MMP28: variants seen among roughly 807,000 people sequenced by gnomAD.
The protein encoded by MMP28 is matrix metallopeptidase 28, also known as matrix metalloproteinase-28.
A neutral mutation model predicts 60.5 loss-of-function variants in MMP28; 55 were observed. The ratio of observed to expected loss-of-function variants is 0.91; its 90% CI spans 0.73 to 1.14. MMP28 has a LOEUF of 1.14. MMP28 is among the 50% of genes most tolerant of loss of function. MMP28 has a pLI of 0.00. For missense variants in MMP28, 686 were observed against 738.3 expected (o/e 0.93, Z 0.82); for synonymous variants, 318 against 312.5 (o/e 1.02, Z -0.18).
chr17:35,759,027 A>G (rs2085771987), intron 2 of MMP28, among the ~76,000 whole-genome samples: 1 of 152,240 alleles, frequency 6.6e-6, no homozygotes, highest in Admixed American at 6.5e-5. Context: ...TCATGGTGCC[A>G]GTGTCCATGG....
chr17:35,780,633 G>A (rs977782303), intron 1 of MMP28, among the ~76,000 whole-genome samples: 5 of 151,854 alleles, frequency 3.3e-5, no homozygotes, highest in Admixed American at 2.0e-4. Flanking sequence ...TCAGGAGTTC[G>A]AGACCAGCCT....
intron 2 of MMP28, among the ~76,000 whole-genome samples, chr17:35,758,822 G>A (rs1349025651): frequency 6.6e-6 from 1 of 152,172 alleles, no homozygotes; most frequent in African/African-American, 2.4e-5. Flanking sequence ...CTTGGGAAGA[G>A]GGGATGCACA....
At chr17:35,782,554 T>G (rs185345668) in intron 1 of MMP28, among the ~76,000 whole-genome samples, 16 of 152,370 alleles carry the variant, frequency 1.1e-4, no homozygotes, top group African/African-American at 3.4e-4. Flanking sequence ...TAACTTTTCA[T>G]AGACTCCTCA....
chr17:35,784,117 C>A (rs933291995), intron 1 of MMP28, among the ~76,000 whole-genome samples: 3 of 151,974 alleles, frequency 2.0e-5, no homozygotes, highest in African/African-American at 7.3e-5. Flanking sequence ...CCCGTCTCTA[C>A]TAAAAACACA....
intron 1 of MMP28, among the ~76,000 whole-genome samples, chr17:35,794,253 T>C (rs1298868992): frequency 1.3e-5 from 2 of 150,480 alleles, no homozygotes; most frequent in Non-Finnish European, 3.0e-5. Context: ...CACTTTTTTT[T>C]TTTTTTTTTT....
chr17:35,790,018 T>C (rs921471036), intron 1 of MMP28, among the ~76,000 whole-genome samples: 2 of 146,022 alleles, frequency 1.4e-5, no homozygotes, highest in Non-Finnish European at 3.0e-5. Flanking sequence ...TGCCTCAGCC[T>C]CCCAAAGTGC....
downstream of MMP28, among the ~76,000 whole-genome samples, chr17:35,763,230 TCA>T (rs1415240890): frequency 5.3e-5 from 8 of 151,678 alleles, no homozygotes; most frequent in East Asian, 1.6e-3. Flanking sequence ...AGCCAGGAGT[TCA>T]GAGACCAGCC....
At chr17:35,759,286 G>T (rs1169503154) in intron 2 of MMP28, among the ~76,000 whole-genome samples, 1 of 152,214 alleles carries the variant, frequency 6.6e-6, no homozygotes, top group Non-Finnish European at 1.5e-5. Flanking sequence ...GTTTATGCAT[G>T]TCTTGAAAGC....
At position 35,770,056 on chromosome 17, in the gene MMP28, C is replaced by CG; in HGVS notation, c.850+10dup. 2.6e-6 allele frequency: 4 copies of CG among 1,545,370 alleles called. No homozygotes were observed. The highest frequency in any genetic ancestry group is 3.5e-6 in the Non-Finnish European group (4 of 1,145,942). ...GTGGGACCAAGAGCGGGGCATGTCC[C>CG]GGGGCCTCACCATACAGGCTCTGCA... On this transcript the variant is annotated intron_variant, in intron 5 of 7. Coordinates refer to ENST00000605424, the MANE Select transcript of MMP28 (RefSeq NM_024302.5).
Position 35,785,493 on chromosome 17 carries a change from G to T in MMP28, c.112-6170C>A, listed in dbSNP as rs566296568. The stretch of plus-strand genomic sequence containing the variant: ...GACAGAGTCTCACTCTGTCACCCAG[G>T]CTGGAGTGCAGTGGCGAGATCTCAG... On this transcript the variant is annotated intron_variant, in intron 1 of 7. Coordinates refer to ENST00000605424, the MANE Select transcript of MMP28 (RefSeq NM_024302.5). Among the ~76,000 whole-genome samples the T allele has an allele frequency of 6.9e-4, 105 of 152,148 alleles. 2 individuals are homozygous for T. The highest frequency in any genetic ancestry group is 2.4e-3 in the African/African-American group (99 of 41,512).
intron 4 of MMP28, among the ~76,000 whole-genome samples, chr17:35,771,118 C>T (rs2086121268): frequency 6.6e-6 from 1 of 151,902 alleles, no homozygotes; most frequent in Non-Finnish European, 1.5e-5. Flanking sequence ...CAGTGCCTAG[C>T]ACGTAATAAG....
intron 1 of MMP28, among the ~76,000 whole-genome samples, chr17:35,787,382 G>A (rs931344638): frequency 1.7e-4 from 26 of 152,178 alleles, no homozygotes; most frequent in African/African-American, 6.0e-4. Context: ...AGGGCAGTGG[G>A]GTTAACTCAG....
At chr17:35,779,420 T>C (rs2086435423) in intron 1 of MMP28, 97 bp from the exon 2 acceptor site, 1 of 1,002,384 alleles carries the variant, frequency 1.0e-6, no homozygotes, top group East Asian at 2.6e-5. Context: ...CAGTCTCACC[T>C]CTTGTCTTTT....
chr17:35,769,936 C>T (rs2086067521), intron 5 of MMP28, 131 bp downstream of exon 5: 2 of 1,240,586 alleles, frequency 1.6e-6, no homozygotes, highest in African/African-American at 3.1e-5. Flanking sequence ...AGAATTGGGA[C>T]GAATCGGCGA....
chr17:35,783,192 C>A (rs1292390774), intron 1 of MMP28, among the ~76,000 whole-genome samples: 1 of 152,180 alleles, frequency 6.6e-6, no homozygotes, highest in Non-Finnish European at 1.5e-5. Context: ...AGAATAAGTT[C>A]AATTTATTCT....
chr17:35,790,930 A>AT (rs2086796880), intron 1 of MMP28, among the ~76,000 whole-genome samples: 2 of 149,724 alleles, frequency 1.3e-5, no homozygotes, highest in Admixed American at 1.3e-4. Context: ...GGGTCTCTCT[A>AT]TGTTGCCCAG....
chr17:35,761,145 C>T (rs1555601443), downstream of MMP28, among the ~76,000 whole-genome samples: 1 of 149,430 alleles, frequency 6.7e-6, no homozygotes, highest in African/African-American at 2.5e-5. Context: ...GCTCTATCAC[C>T]CAGACTGGAG....
At chr17:35,763,630 C>A (rs1555601952), downstream of MMP28, among the ~76,000 whole-genome samples, 2 of 151,682 alleles carry the variant, frequency 1.3e-5, no homozygotes, top group Admixed American at 6.6e-5. Context: ...GGTGCAGTGA[C>A]TCACGCCTGT....
Position 35,773,987 on chromosome 17 carries a change from CATTT to C in MMP28, c.380-587_380-584del, listed in dbSNP as rs202072565. Among the ~76,000 whole-genome samples, 1,026 of 152,342 alleles carry C rather than the reference CATTT, an allele frequency of 6.7e-3. 3 individuals carry two copies. Among genetic ancestry groups the C allele is most frequent in the Non-Finnish European group, 0.011 (754 of 68,038 alleles). The stretch of plus-strand genomic sequence containing the variant: ...CCAGCCAACAACCACAAGACTCATT[CATTT>C]GAGTTTCTTTCCTGCCCCTCTCCTC... On this transcript the variant is annotated intron_variant, in intron 3 of 7. Coordinates refer to ENST00000605424, the MANE Select transcript of MMP28 (RefSeq NM_024302.5).
Sources: gnomAD v4.1 joint callset for allele counts (sites outside exome capture counted in the v4.1 genomes callset) on GRCh38, gnomAD v4.1.1 for gene constraint, MANE v1.5 for transcripts, NCBI Gene and HGNC (gene_info 2026-07-23, HGNC 2026-07-21) for gene names.